Variants in KIF13A observed in about 807,000 individuals in gnomAD.
KIF13A encodes the protein kinesin family member 13A.
A neutral mutation model predicts 212.2 loss-of-function variants in KIF13A; 79 were observed. That is an observed-to-expected ratio of 0.37 (90% CI 0.31 to 0.45). The LOEUF (loss-of-function observed/expected upper bound fraction) is 0.45, where lower values mean the gene tolerates loss of function less well. KIF13A is among the 20% of genes least tolerant of loss of function. The pLI is 1.00. For missense variants in KIF13A, 1,901 were observed against 2,209.0 expected, an observed-to-expected ratio of 0.86 and a Z score of 2.79; for synonymous variants, 789 against 808.6, an observed-to-expected ratio of 0.98 and a Z score of 0.41.
rs767209431 is a variant in KIF13A, at chr6:17,817,098, G to T, written c.1922C>A (p.Pro641Gln). 5.6e-6 allele frequency: 9 copies of T among 1,613,840 alleles called. No homozygotes were observed. The highest frequency in any genetic ancestry group is 7.6e-6 in the Non-Finnish European group (9 of 1,179,908). The change falls in exon 17 of 39, where the codon CCA becomes CAA. Residue 641 changes from proline (P) to glutamine (Q), a missense_variant. Transcript: ENST00000259711. ...LRQQLSPDRQ[P>Q]QSSGPDRLAY... Reference sequence around the variant, plus strand: ...CAGGCGGTCAGGGCCGCTACTCTGTGGCTGCCTGTCGGGGGAGAGCTGCTG... The same window carrying T: ...CAGGCGGTCAGGGCCGCTACTCTGTTGCTGCCTGTCGGGGGAGAGCTGCTG...
chr6:17,805,650 A>G (rs1255012991), intron 18 of KIF13A, 35 bp from the exon 19 acceptor site: 1 of 1,556,336 alleles, frequency 6.4e-7, no homozygotes, highest in African/African-American at 1.4e-5. Flanking sequence ...AAACCCTGTT[A>G]TAACTCCTTT....
rs877982 is a variant in KIF13A, at chr6:17,787,081, C to A, written c.3361+695G>T. Among the ~76,000 whole-genome samples the A allele has an allele frequency of 0.22, 32,984 of 152,100 alleles. 3,732 individuals are homozygous for A. The highest frequency in any genetic ancestry group is 0.35 in the South Asian group (1,677 of 4,822). ...AGCGGAGTGCATGGCAATGGCCCAA[C>A]AGTGGATAGGTGCTGACCTGCTAAG... On this transcript the variant is annotated intron_variant, in intron 27 of 38. Transcript: ENST00000259711. This position sits in a 1 kb window ranked among gnomAD's most constrained non-coding sequence, Gnocchi z 4.6.
chr6:17,784,357 G>A lies in KIF13A; in HGVS notation c.3489-656C>T, dbSNP rs181797957. ...GGCTTGAACCTGGGAGATCGAGGTT[G>A]CAGTGCACCAAGATCGTGCCACTGG... On this transcript the variant is annotated intron_variant, in intron 28 of 38. Transcript: ENST00000259711. Among the ~76,000 whole-genome samples, 342 of 152,236 alleles carry A rather than the reference G, an allele frequency of 2.2e-3. 1 individual carries two copies. The highest frequency in any genetic ancestry group is 7.6e-3 in the African/African-American group (316 of 41,538).
intron 3 of KIF13A, among the ~76,000 whole-genome samples, chr6:17,876,282 C>T (rs116084683): frequency 0.012 from 1,825 of 152,244 alleles, 38 homozygotes; most frequent in African/African-American, 0.042. Context: ...AGAACCCATG[C>T]TCTTTGGCCT....
chr6:17,774,531 T>C (rs1292848076), intron 35 of KIF13A, among the ~76,000 whole-genome samples: 1 of 152,150 alleles, frequency 6.6e-6, no homozygotes, highest in Non-Finnish European at 1.5e-5. Context: ...CCAAACACTT[T>C]GGGAGGCCGA....
chr6:17,906,954 A>C (rs1295893680), intron 2 of KIF13A, among the ~76,000 whole-genome samples: 1 of 152,182 alleles, frequency 6.6e-6, no homozygotes, highest in Non-Finnish European at 1.5e-5. Context: ...TGGGTGAGAT[A>C]AGATGCTACA....
intron 2 of KIF13A, among the ~76,000 whole-genome samples, chr6:17,921,154 T>C (rs1049709394): frequency 1.2e-4 from 18 of 152,168 alleles, no homozygotes; most frequent in Admixed American, 2.0e-4. Context: ...GGGGGTCCCA[T>C]AATCAAACAT....
In KIF13A at chr6:17,984,656, C is replaced by A; in HGVS notation, c.146+2398G>T. 1 of 460,078 alleles carries A rather than the reference C, an allele frequency of 2.2e-6. No individual in the cohort carries two copies. Among genetic ancestry groups the A allele is most frequent in the South Asian group, 9.2e-5 (1 of 10,916 alleles). The allele number at this position is 460,078 out of a possible 1,614,324, so 28.5% of individuals were successfully genotyped here. On this transcript the variant is annotated intron_variant, in intron 2 of 38. Coordinates refer to ENST00000259711, the MANE Select transcript of KIF13A (RefSeq NM_022113.6). This position sits in a 1 kb window ranked among gnomAD's most constrained non-coding sequence, Gnocchi z 5.0. ...TACTGGTAAGACTGAAAACTTTCAC[C>A]CACTAACCTTCAATTTCTATCCATG...
At chr6:17,760,034 G>A (rs1200247054), downstream of KIF13A, 1 of 152,248 alleles carries the variant, frequency 6.6e-6, no homozygotes, top group Non-Finnish European at 1.5e-5. Context: ...AGCAGGTGGA[G>A]GGGCAGGTGG....
At chr6:17,844,621 A>G (rs1287176404) in intron 9 of KIF13A, among the ~76,000 whole-genome samples, 1 of 152,248 alleles carries the variant, frequency 6.6e-6, no homozygotes, top group African/African-American at 2.4e-5. Context: ...CTAATGTTAG[A>G]CAAAAATGCT....
At chr6:17,858,669 T>G (rs1392273029) in intron 4 of KIF13A, among the ~76,000 whole-genome samples, 1 of 152,204 alleles carries the variant, frequency 6.6e-6, no homozygotes, top group African/African-American at 2.4e-5. Context: ...CCAGGCTTAT[T>G]AGGATTGCTT....
intron 9 of KIF13A, among the ~76,000 whole-genome samples, chr6:17,845,201 T>C (rs887031398): frequency 6.6e-6 from 1 of 152,040 alleles, no homozygotes; most frequent in Admixed American, 6.6e-5. Context: ...GAGAACAGCA[T>C]GAGGGAAACC....
intron 3 of KIF13A, among the ~76,000 whole-genome samples, chr6:17,896,042 T>A (rs1772531623): frequency 6.6e-6 from 1 of 152,200 alleles, no homozygotes; most frequent in East Asian, 1.9e-4. Context: ...AACCCCCATG[T>A]ATACCAAAAT....
chr6:17,881,599 A>T, intron 3 of KIF13A: 1 of 368,248 alleles, frequency 2.7e-6, no homozygotes, highest in Non-Finnish European at 5.3e-6. Context: ...CGGAAGGCTG[A>T]GGCAGGAGAA....
chr6:17,983,151 T>C (rs547506871), intron 2 of KIF13A, among the ~76,000 whole-genome samples: 34 of 131,370 alleles, frequency 2.6e-4, no homozygotes, highest in Admixed American at 1.4e-3. Flanking sequence ...CCAGCCCAGG[T>C]GACAGTGCGA....
In KIF13A at chr6:17,919,910, C is replaced by T. The variant is rs1774900852; in HGVS notation, c.147-21730G>A. 6.6e-6 allele frequency among the ~76,000 whole-genome samples: 1 copy of T among 152,144 alleles called. No individual in the cohort carries two copies. The highest frequency in any genetic ancestry group is 2.4e-5 in the African/African-American group (1 of 41,410). The stretch of plus-strand genomic sequence containing the variant: ...GTTTGAAGGAATAAGCTCCAGTGAT[C>T]TGAAAAATTAACTTCTATTAAAATA... On this transcript the variant is annotated intron_variant, in intron 2 of 38. Coordinates refer to ENST00000259711, the MANE Select transcript of KIF13A (RefSeq NM_022113.6). The surrounding 1 kb of genome is among the most constrained non-coding windows in gnomAD (Gnocchi z 4.1).
At chr6:17,931,766 C>T (rs1254176107) in intron 2 of KIF13A, among the ~76,000 whole-genome samples, 2 of 151,884 alleles carry the variant, frequency 1.3e-5, no homozygotes, top group African/African-American at 2.4e-5. Context: ...TTCATGACAG[C>T]GTAGGTATTA....
chr6:17,817,006 G>C lies in KIF13A; in HGVS notation c.2000+14C>G, dbSNP rs557409946. 1 of 1,601,180 alleles carries C rather than the reference G, an allele frequency of 6.2e-7. No homozygotes were observed. The highest frequency in any genetic ancestry group is 1.7e-5 in the Admixed American group (1 of 57,980). The stretch of plus-strand genomic sequence containing the variant: ...GGGGCCTTGACTCTGGGCTGCCCCC[G>C]CTGCAGTTCTTACCTCTCTTCTGCC... On this transcript the variant is annotated intron_variant, in intron 17 of 38. Transcript: ENST00000259711.
chr6:17,884,879 T>C lies in KIF13A; in HGVS notation c.160-11442A>G, dbSNP rs547045764. On this transcript the variant is annotated intron_variant, in intron 3 of 38. Transcript: ENST00000259711. ...CCCCATTTCTCCAGTTTTAGGAACA[T>C]TAGCTTGCCAATGTCCTGTTTTGTG... Among the ~76,000 whole-genome samples, 23 of 152,306 alleles carry C rather than the reference T, an allele frequency of 1.5e-4. No homozygotes were observed. In the East Asian group the frequency reaches 4.3e-3, roughly 28 times the overall value.
Sources: allele counts gnomAD v4.1 joint callset (sites outside exome capture counted in the v4.1 genomes callset), GRCh38; gene constraint gnomAD v4.1.1; non-coding constraint Gnocchi (gnomAD v3.1); transcripts MANE v1.5; gene names NCBI Gene and HGNC (gene_info 2026-07-23, HGNC 2026-07-21).